NBEAL1: variants seen among roughly 807,000 people sequenced by gnomAD.
NBEAL1 encodes the protein neurobeachin-like protein 1.
In NBEAL1, 273 loss-of-function variants were observed where a neutral mutation model predicts 351.3. The ratio of observed to expected loss-of-function variants is 0.78; its 90% CI spans 0.70 to 0.86. The LOEUF (loss-of-function observed/expected upper bound fraction) is 0.86, where lower values mean the gene tolerates loss of function less well. NBEAL1 is among the 40% of genes least tolerant of loss of function. The pLI is 0.00. For synonymous variants in NBEAL1, 1,050 were observed against 1,086.4 expected (o/e 0.97, Z 0.66); for missense variants, 2,961 against 3,201.3 (o/e 0.92, Z 1.81).
At chr2:203,091,434 A>G (rs1390619984) in intron 10 of NBEAL1, among the ~76,000 whole-genome samples, 1 of 152,214 alleles carries the variant, frequency 6.6e-6, no homozygotes, top group Non-Finnish European at 1.5e-5. Flanking sequence ...TAATATGGGT[A>G]TAGAAATATC....
intron 24 of NBEAL1, 60 bp downstream of exon 24, chr2:203,127,997 T>C: frequency 8.0e-7 from 1 of 1,253,824 alleles, no homozygotes; most frequent in Non-Finnish European, 1.1e-6. Context: ...TACATCATCT[T>C]CTGAACGTAT....
At chr2:203,182,574 C>T (rs2064751221) in intron 43 of NBEAL1, 1 of 152,200 alleles carries the variant, frequency 6.6e-6, no homozygotes. Flanking sequence ...ACATCTGCTA[C>T]ACTGTGATGG....
intron 47 of NBEAL1, among the ~76,000 whole-genome samples, chr2:203,195,880 G>A (rs1258781619): frequency 1.3e-5 from 2 of 152,164 alleles, no homozygotes; most frequent in Non-Finnish European, 2.9e-5. Flanking sequence ...AGAAAAACAA[G>A]TGTTTAGCAT....
chr2:203,151,210 A>G (rs2063642202), intron 34 of NBEAL1, among the ~76,000 whole-genome samples: 1 of 152,140 alleles, frequency 6.6e-6, no homozygotes, highest in African/African-American at 2.4e-5. Context: ...ACATGCCTGT[A>G]ATCCCTGCTA....
chr2:203,177,251 C>T (rs575721566), intron 42 of NBEAL1, among the ~76,000 whole-genome samples: 1 of 149,776 alleles, frequency 6.7e-6, no homozygotes, highest in South Asian at 2.1e-4. Flanking sequence ...AAAACCCTTA[C>T]ACTCAAGGTA....
At chr2:203,183,671 TCAC>T (rs2064801268) in intron 44 of NBEAL1, among the ~76,000 whole-genome samples, 1 of 152,136 alleles carries the variant, frequency 6.6e-6, no homozygotes, top group Non-Finnish European at 1.5e-5. Context: ...AATATTCCAG[TCAC>T]CAAGCTGGTG....
chr2:203,042,178 C>T (rs983473433), intron 3 of NBEAL1, among the ~76,000 whole-genome samples: 1 of 152,258 alleles, frequency 6.6e-6, no homozygotes, highest in South Asian at 2.1e-4. Flanking sequence ...ACATTAGCCA[C>T]TACAAGTCTT....
intron 14 of NBEAL1, 146 bp downstream of exon 14, chr2:203,108,334 T>A: frequency 1.6e-6 from 1 of 616,462 alleles, no homozygotes; most frequent in Non-Finnish European, 2.7e-6. Flanking sequence ...TTATACAGTT[T>A]AATTATAAGT....
At chr2:203,030,435 C>T (rs199891522) in intron 2 of NBEAL1, among the ~76,000 whole-genome samples, 4 of 152,024 alleles carry the variant, frequency 2.6e-5, no homozygotes, top group East Asian at 3.8e-4. Context: ...CTTCTAGATT[C>T]CCCCAGAGTA....
chr2:203,056,009 A>G (rs2106090811), intron 4 of NBEAL1, among the ~76,000 whole-genome samples: 1 of 152,330 alleles, frequency 6.6e-6, no homozygotes, highest in South Asian at 2.1e-4. Flanking sequence ...TATAGTGCAC[A>G]TGTTATAATG....
intron 5 of NBEAL1, 143 bp from the exon 6 acceptor site, chr2:203,057,183 A>T: frequency 1.7e-6 from 1 of 583,854 alleles, no homozygotes; most frequent in Non-Finnish European, 2.9e-6. Flanking sequence ...GGACATATTT[A>T]AAATCTTAGT....
chr2:203,069,991 A>AAAACTAGT (rs1193196515), intron 7 of NBEAL1, among the ~76,000 whole-genome samples: 1 of 152,240 alleles, frequency 6.6e-6, no homozygotes, highest in African/African-American at 2.4e-5. Flanking sequence ...TTTCATTTTT[A>AAAACTAGT]AAACTAGTAT....
At chr2:203,088,272 C>T (rs560480182) in intron 10 of NBEAL1, among the ~76,000 whole-genome samples, 1 of 152,112 alleles carries the variant, frequency 6.6e-6, no homozygotes, top group East Asian at 1.9e-4. Flanking sequence ...ATTTTTTTCA[C>T]TACCAGTAAG....
rs1480409384 is a variant in NBEAL1 at position 203,223,761 on chromosome 2, T to C, written c.*6407T>C. On this transcript the variant is annotated 3_prime_UTR_variant, in exon 56 of 56. Transcript: ENST00000683969. ...TTTGGGTTGTCTTCTTTTGGTAACATATTCTGACACTAAGCAACATGTTTT... is the reference window on the plus strand; with the variant it reads ...TTTGGGTTGTCTTCTTTTGGTAACACATTCTGACACTAAGCAACATGTTTT... 6.6e-6 allele frequency among the ~76,000 whole-genome samples: 1 copy of C among 152,090 alleles called. No individual in the cohort carries two copies. The highest frequency in any genetic ancestry group is 1.5e-5 in the Non-Finnish European group (1 of 67,930).
intron 41 of NBEAL1, among the ~76,000 whole-genome samples, chr2:203,173,270 AAG>A (rs2064380693): frequency 6.6e-6 from 1 of 152,168 alleles, no homozygotes; most frequent in South Asian, 2.1e-4. Context: ...GTGAATAAAG[AAG>A]AGAGAATGTG....
chr2:203,186,196 A>T (rs2064892914), intron 44 of NBEAL1, among the ~76,000 whole-genome samples: 1 of 152,236 alleles, frequency 6.6e-6, no homozygotes, highest in South Asian at 2.1e-4. Context: ...ATCTGGCAGC[A>T]ACTCAGATTT....
chr2:203,093,715 A>G (rs575876750), intron 10 of NBEAL1, among the ~76,000 whole-genome samples: 1 of 152,286 alleles, frequency 6.6e-6, no homozygotes, highest in Admixed American at 6.5e-5. Context: ...TTAGCTGGGC[A>G]TGGTGGCACA....
chr2:203,060,674 A>G (rs968103786), intron 6 of NBEAL1, among the ~76,000 whole-genome samples: 2 of 152,242 alleles, frequency 1.3e-5, no homozygotes, highest in African/African-American at 4.8e-5. Flanking sequence ...GAAAGTGGAA[A>G]TCAAAAGCAC....
chr2:203,033,748 G>A (rs1446064180), intron 2 of NBEAL1, among the ~76,000 whole-genome samples: 1 of 152,140 alleles, frequency 6.6e-6, no homozygotes, highest in African/African-American at 2.4e-5. Flanking sequence ...AGGAAATGCT[G>A]ACTTCTCCAG....
Sources: allele counts gnomAD v4.1 joint callset (sites outside exome capture counted in the v4.1 genomes callset), GRCh38; gene constraint gnomAD v4.1.1; transcripts MANE v1.5; gene names NCBI Gene and HGNC (gene_info 2026-07-23, HGNC 2026-07-21).